The following PHEX variants were observed in gnomAD, a reference collection of about 807,000 sequenced individuals.
The protein encoded by PHEX is phosphate-regulating neutral endopeptidase PHEX.
A neutral mutation model predicts 68.0 loss-of-function variants in PHEX; 16 were observed. The observed-to-expected ratio is 0.24, with a 90% CI of 0.16 to 0.36. PHEX has a LOEUF of 0.36. Ranked by LOEUF, PHEX falls within the 10% of genes least tolerant of loss-of-function variation. The probability of loss-of-function intolerance (pLI) is 1.00; values close to 1 mark genes in which losing one functional copy is unlikely to be tolerated. For synonymous variants in PHEX, 208 were observed against 205.1 expected, an observed-to-expected ratio of 1.01 and a Z score of -0.12; for missense variants, 480 against 575.5, an observed-to-expected ratio of 0.83 and a Z score of 1.70.
At chrX:22,234,833 C>CCACA (rs61094602) in intron 20 of PHEX, among the ~76,000 whole-genome samples, 9 of 86,631 alleles carry the variant, frequency 1.0e-4, no homozygotes, top group East Asian at 3.2e-4. Flanking sequence ...AAAAAAAAAA[C>CCACA]CACACACACA....
At chrX:22,177,619 T>C (rs1437693174) in intron 13 of PHEX, among the ~76,000 whole-genome samples, 1 of 112,224 alleles carries the variant, frequency 8.9e-6, no homozygotes, top group African/African-American at 3.2e-5. Flanking sequence ...ACCAGCTTTC[T>C]GTGTTCCCAT....
rs904755800 is a variant in PHEX at position 22,077,407 on chromosome X, G to A, written c.437-69G>A. The A allele has an allele frequency of 3.2e-5, 29 of 913,801 alleles. No individual in the cohort carries two copies. The African/African-American group carries it at 4.1e-4, about 13-fold the overall frequency. 75.3% of individuals were successfully genotyped at this position (913,801 alleles called of 1,213,427 possible). Reference sequence around the variant, plus strand: ...TATGGGAATTTTGTCTTGAGAAGATGCACTTAAATTCTAGTGTGCTGATCC... The same window carrying A: ...TATGGGAATTTTGTCTTGAGAAGATACACTTAAATTCTAGTGTGCTGATCC... On this transcript the variant is annotated intron_variant, in intron 4 of 21. Coordinates refer to ENST00000379374, the MANE Select transcript of PHEX (RefSeq NM_000444.6).
rs371934258 is a variant in PHEX at position 22,168,377 on chromosome X, A to T, written c.1470A>T (p.Glu490Asp). 27 of 1,171,362 alleles carry T rather than the reference A, an allele frequency of 2.3e-5. No individual in the cohort carries two copies. The African/African-American group carries it at 3.9e-4, about 17-fold the overall frequency. ...TAATGAATGATACTCATGTTAATGA[A>T]GACCTCAAAGCTGTAAGTGCTAAAT... Reference protein sequence around the residue: ...EFIMNDTHVNEDLKAIKFSEA... With the variant: ...EFIMNDTHVNDDLKAIKFSEA... Residue 490 changes from glutamate to aspartate, a missense_variant, in exon 13 of 22, where the codon GAA (glutamate) becomes GAT (aspartate). Transcript: ENST00000379374.
intron 4 of PHEX, 65 bp from the exon 5 acceptor site, chrX:22,077,411 T>A: frequency 2.0e-6 from 2 of 984,410 alleles, no homozygotes; most frequent in Non-Finnish European, 2.9e-6. Flanking sequence ...GAAGATGCAC[T>A]TAAATTCTAG....
chrX:22,108,383 A>G (rs1405595453), intron 9 of PHEX, among the ~76,000 whole-genome samples: 1 of 111,495 alleles, frequency 9.0e-6, no homozygotes, highest in Non-Finnish European at 1.9e-5. Flanking sequence ...GGGATGAGGC[A>G]TAAAAAAACT....
chrX:22,132,603 C>T (rs530183735), intron 11 of PHEX, among the ~76,000 whole-genome samples: 2 of 111,710 alleles, frequency 1.8e-5, no homozygotes, highest in South Asian at 7.6e-4. Context: ...GTCTCCCTGC[C>T]CGTTTCTCTG....
At chrX:22,214,042 G>T (rs1366717308) in intron 16 of PHEX, among the ~76,000 whole-genome samples, 1 of 112,057 alleles carries the variant, frequency 8.9e-6, no homozygotes, top group East Asian at 2.8e-4. Flanking sequence ...CAAACTTAGT[G>T]GCTTAAAATG....
chrX:22,162,726 A>G (rs904051098), intron 12 of PHEX: 1 of 112,200 alleles, frequency 8.9e-6, no homozygotes, highest in Non-Finnish European at 1.9e-5. Flanking sequence ...CATGACACAT[A>G]ATGCCTCAAA....
chrX:22,179,659 C>A (rs976593209), intron 14 of PHEX, among the ~76,000 whole-genome samples: 2 of 111,859 alleles, frequency 1.8e-5, no homozygotes, highest in African/African-American at 6.5e-5. Flanking sequence ...TTATTTCATT[C>A]CTTTTTATGG....
At chrX:22,116,291 ATCAGATTATTCGTTTTT>A (rs1240034912) in intron 11 of PHEX, among the ~76,000 whole-genome samples, 1 of 111,676 alleles carries the variant, frequency 9.0e-6, no homozygotes, top group Non-Finnish European at 1.9e-5. Flanking sequence ...CTATTTTTTA[ATCAGATTATTCGTTTTT>A]TCACTATTGA....
intron 12 of PHEX, among the ~76,000 whole-genome samples, chrX:22,138,031 AGCT>A: frequency 8.9e-6 from 1 of 112,240 alleles, no homozygotes; most frequent in East Asian, 2.8e-4. Context: ...AATGGGCTAG[AGCT>A]ATTATACTAG....
Position 22,191,114 on chromosome X carries a change from G to T in PHEX, c.1645+612G>T, listed in dbSNP as rs768481812. Among the ~76,000 whole-genome samples, 3 of 111,845 alleles carry T rather than the reference G, an allele frequency of 2.7e-5. No homozygotes were observed. The East Asian group carries it at 8.4e-4, about 31-fold the overall frequency. On this transcript the variant is annotated intron_variant, in intron 15 of 21. Coordinates refer to ENST00000379374, the MANE Select transcript of PHEX (RefSeq NM_000444.6). ...GGCTCACTGCAACCTCTGCCTCCCA[G>T]GTTCAAATTATTCTTGTGCCTCAGC... is the stretch of plus-strand genomic sequence containing the variant.
At position 22,247,866 on chromosome X, in the gene PHEX, T is replaced by G. The variant is rs372307955; in HGVS notation, c.2163T>G (p.Ile721Met). Reference sequence around the variant, plus strand: ...CGTTTTTCAGGGTCAATGGTGCAATTAGTAACTTTGAAGAATTCCAGAAAG... The same window carrying G: ...CGTTTTTCAGGGTCAATGGTGCAATGAGTAACTTTGAAGAATTCCAGAAAG... Reference protein sequence around the residue: ...SPPQFRVNGAISNFEEFQKAF... With the variant: ...SPPQFRVNGAMSNFEEFQKAF... Residue 721 changes from isoleucine to methionine, a missense_variant, in exon 22 of 22, where the codon ATT becomes ATG. Physicochemically the swap from Ile to Met is conservative, Grantham distance 10. Transcript: ENST00000379374. 1 of 1,202,648 alleles carries G rather than the reference T, an allele frequency of 8.3e-7. No individual in the cohort carries two copies. The highest frequency in any genetic ancestry group is 1.1e-6 in the Non-Finnish European group (1 of 887,203).
At chrX:22,098,359 G>C (rs887679528) in intron 8 of PHEX, among the ~76,000 whole-genome samples, 2 of 108,418 alleles carry the variant, frequency 1.8e-5, no homozygotes, top group Non-Finnish European at 3.8e-5. Flanking sequence ...GAGAAAGACA[G>C]AGGGGAGAGT....
intron 12 of PHEX, among the ~76,000 whole-genome samples, chrX:22,163,561 G>C (rs1933211954): frequency 9.0e-6 from 1 of 111,711 alleles, no homozygotes; most frequent in South Asian, 3.7e-4. Flanking sequence ...TATGAATAAA[G>C]CATGAAAATG....
At position 22,093,528 on chromosome X, in the gene PHEX, G is replaced by T. The variant is rs1016412560; in HGVS notation, c.733-455G>T. On this transcript the variant is annotated intron_variant, in intron 6 of 21. Coordinates refer to ENST00000379374, the MANE Select transcript of PHEX (RefSeq NM_000444.6). ...TCTTTTATTTCTTAGTGTGAAGGTGGGTAAATTGAGTTGCAAGAGAATAAA... is the reference window on the plus strand; with the variant it reads ...TCTTTTATTTCTTAGTGTGAAGGTGTGTAAATTGAGTTGCAAGAGAATAAA... 2.7e-5 allele frequency among the ~76,000 whole-genome samples: 3 copies of T among 111,778 alleles called. No individual in the cohort carries two copies. The Admixed American group carries it at 2.8e-4, about 11-fold the overall frequency.
chrX:22,223,080 A>G (rs1359557503), intron 18 of PHEX, among the ~76,000 whole-genome samples: 1 of 112,360 alleles, frequency 8.9e-6, no homozygotes, highest in Non-Finnish European at 1.9e-5. Context: ...AGGACGATAG[A>G]AAGGGCATGC....
At chrX:22,123,518 C>T (rs193029125) in intron 11 of PHEX, among the ~76,000 whole-genome samples, 2 of 111,589 alleles carry the variant, frequency 1.8e-5, no homozygotes, top group Admixed American at 1.9e-4. Context: ...GCTAATATTG[C>T]CATGCCTAAT....
At chrX:22,247,828 T>G in intron 21 of PHEX, 23 bp from the exon 22 acceptor site, 1 of 1,031,060 alleles carries the variant, frequency 9.7e-7, no homozygotes, top group South Asian at 1.9e-5. Context: ...ATATGACATA[T>G]GCTTTGACAT....
Sources: allele counts gnomAD v4.1 joint callset (sites outside exome capture counted in the v4.1 genomes callset), GRCh38; gene constraint gnomAD v4.1.1; transcripts MANE v1.5; gene names NCBI Gene and HGNC (gene_info 2026-07-23, HGNC 2026-07-21).